SLC25A3: variants seen among roughly 807,000 people sequenced by gnomAD.
SLC25A3 encodes phosphate transport protein.
A neutral mutation model predicts 37.1 loss-of-function variants in SLC25A3; 14 were observed. The observed-to-expected ratio is 0.38, with a 90% CI of 0.25 to 0.59. The LOEUF (loss-of-function observed/expected upper bound fraction) is 0.59, where lower values mean the gene tolerates loss of function less well. SLC25A3 is among the 20% of genes least tolerant of loss of function. The probability of loss-of-function intolerance (pLI) is 0.67; values close to 1 mark genes in which losing one functional copy is unlikely to be tolerated. For synonymous variants in SLC25A3, 161 were observed against 168.7 expected (o/e 0.95, Z 0.36); for missense variants, 385 against 458.1 (o/e 0.84, Z 1.46).
intron 6 of SLC25A3, 102 bp downstream of exon 6, chr12:98,600,229 C>A: frequency 1.1e-6 from 1 of 890,582 alleles, no homozygotes; most frequent in Non-Finnish European, 1.8e-6. Context: ...GGTTATAAAG[C>A]AGTGTTTTTG....
intron 3 of SLC25A3, chr12:98,597,416 CTTTT>C: frequency 6.6e-6 from 1 of 151,650 alleles, no homozygotes; most frequent in Non-Finnish European, 1.4e-5. Context: ...TACTGTATTT[CTTTT>C]TTTTTTTTTG....
In SLC25A3 at chr12:98,595,709, T is replaced by C; in HGVS notation, c.158-18T>C. On this transcript the variant is annotated intron_variant, in intron 2 of 7. Transcript: ENST00000552981. Reference sequence around the variant, plus strand: ...GAGTTTTATATTAAAATGCATGGTGTGTCTTCTCTTACTACAGAGTACAGT... The same window carrying C: ...GAGTTTTATATTAAAATGCATGGTGCGTCTTCTCTTACTACAGAGTACAGT... 6.2e-7 allele frequency: 1 copy of C among 1,614,150 alleles called. No homozygotes were observed. Among genetic ancestry groups the C allele is most frequent in the Non-Finnish European group, 8.5e-7 (1 of 1,180,020 alleles).
intron 3 of SLC25A3, among the ~76,000 whole-genome samples, chr12:98,596,828 C>G (rs577259371): frequency 6.6e-6 from 1 of 152,236 alleles, no homozygotes; most frequent in African/African-American, 2.4e-5. Context: ...AGAACTCAAT[C>G]TAGCCAACAT....
At position 98,598,006 on chromosome 12, in the gene SLC25A3, A is replaced by G. The variant is rs1268948001; in HGVS notation, c.430A>G (p.Lys144Glu). 1 of 1,613,620 alleles carries G rather than the reference A, an allele frequency of 6.2e-7. No individual in the cohort carries two copies. The highest frequency in any genetic ancestry group is 1.3e-5 in the African/African-American group (1 of 74,916). The change falls in exon 4 of 8, where the codon AAA (lysine) becomes GAA (glutamate). Residue 144 changes from lysine to glutamate, a missense_variant. By Grantham distance (56) the Lys-to-Glu change is moderately conservative (BLOSUM62 1). Transcript: ENST00000552981. ...CAAGTTTGGCTTTTATGAAGTCTTTAAAGTCTTGTATAGCAATATGCTTGG... is the reference window on the plus strand; with the variant it reads ...CAAGTTTGGCTTTTATGAAGTCTTTGAAGTCTTGTATAGCAATATGCTTGG... ...LCKFGFYEVF[K>E]VLYSNMLGEE...
Position 98,599,951 on chromosome 12 carries a change from C to T in SLC25A3, c.642-4C>T, listed in dbSNP as rs753103042. On this transcript the variant is annotated splice_region_variant and splice_polypyrimidine_tract_variant and intron_variant, in intron 5 of 7. Transcript: ENST00000552981. ...TGTGTAAAACAAGTCTCTTGATTTC[C>T]TAGATTCTACAAGGGGGTTGCTCCT... 5 of 1,613,678 alleles carry T rather than the reference C, an allele frequency of 3.1e-6. No individual in the cohort carries two copies. Among genetic ancestry groups the T allele is most frequent in the Non-Finnish European group, 4.2e-6 (5 of 1,179,696 alleles).
intron 3 of SLC25A3, among the ~76,000 whole-genome samples, chr12:98,596,206 ATC>A (rs970557960): frequency 3.9e-5 from 6 of 152,236 alleles, no homozygotes; most frequent in Non-Finnish European, 8.8e-5. Context: ...AATGTCCTTT[ATC>A]TACTAATAAG....
At position 98,595,710 on chromosome 12, in the gene SLC25A3, G is replaced by A. The variant is rs745936331; in HGVS notation, c.158-17G>A. Reference sequence around the variant, plus strand: ...AGTTTTATATTAAAATGCATGGTGTGTCTTCTCTTACTACAGAGTACAGTT... The same window carrying A: ...AGTTTTATATTAAAATGCATGGTGTATCTTCTCTTACTACAGAGTACAGTT... On this transcript the variant is annotated splice_polypyrimidine_tract_variant and intron_variant, in intron 2 of 7. Coordinates refer to ENST00000552981, the MANE Select transcript of SLC25A3 (RefSeq NM_002635.4). 8.1e-6 allele frequency: 13 copies of A among 1,614,128 alleles called. No individual in the cohort carries two copies. The highest frequency in any genetic ancestry group is 1.1e-5 in the Non-Finnish European group (13 of 1,180,030).
chr12:98,596,726 G>A (rs951139599), intron 3 of SLC25A3, among the ~76,000 whole-genome samples: 1 of 152,074 alleles, frequency 6.6e-6, no homozygotes, highest in Admixed American at 6.6e-5. Context: ...TAAAAAGTAG[G>A]AGGTGGGCCA....
intron 6 of SLC25A3, 62 bp from the exon 7 acceptor site, chr12:98,601,109 T>G: frequency 6.4e-7 from 1 of 1,564,706 alleles, no homozygotes; most frequent in Non-Finnish European, 8.7e-7. Flanking sequence ...TAAAAATGAT[T>G]ATTGGCTCTG....
intron 6 of SLC25A3, 173 bp from the exon 7 acceptor site, chr12:98,600,998 A>T: frequency 1.6e-6 from 1 of 644,950 alleles, no homozygotes; most frequent in South Asian, 2.0e-5. Context: ...ACTTTAAAAG[A>T]TTGTTCCGTT....
At chr12:98,596,412 C>G (rs148156600) in intron 3 of SLC25A3, among the ~76,000 whole-genome samples, 24 of 152,142 alleles carry the variant, frequency 1.6e-4, no homozygotes, top group African/African-American at 5.8e-4. Flanking sequence ...AGTCTACTTA[C>G]CTAAAAGAGA....
Position 98,594,093 on chromosome 12 carries a change from C to A in SLC25A3, c.115C>A (p.Gln39Lys), listed in dbSNP as rs537772538. Residue 39 changes from glutamine (Q) to lysine (K), a missense_variant, in exon 2 of 8, where the codon CAG (glutamine) becomes AAG (lysine). This residue lies in a region of SLC25A3 where 109 missense variants were observed against 90.5 expected (regional missense o/e 1.20). Coordinates refer to ENST00000552981, the MANE Select transcript of SLC25A3 (RefSeq NM_002635.4). ...LRSSSPGPTG[Q>K]PRRPRNLAAA... ...CAGCAGCTCCCCAGGGCCCACGGGC[C>A]AGCCCCGCCGCCCTCGCAACCTGGC... is the stretch of plus-strand genomic sequence containing the variant. 6.2e-7 allele frequency: 1 copy of A among 1,611,720 alleles called. No homozygotes were observed. The highest frequency in any genetic ancestry group is 1.3e-5 in the African/African-American group (1 of 75,028).
chr12:98,593,820 T>A, intron 1 of SLC25A3, 80 bp downstream of exon 1: 1 of 780,084 alleles, frequency 1.3e-6, no homozygotes, highest in Non-Finnish European at 2.1e-6. Flanking sequence ...GCTTTGGCGG[T>A]GGGCCCAGCC....
chr12:98,594,569 G>A lies in SLC25A3; in HGVS notation c.157+434G>A, dbSNP rs537410981. On this transcript the variant is annotated intron_variant, in intron 2 of 7. Transcript: ENST00000552981. ...TTTCCTAAGTTTTATATTTGTCGAC[G>A]CCAGGTCAGTCATTTTTGCACTTAA... is the stretch of plus-strand genomic sequence containing the variant. 60 of 581,974 alleles carry A rather than the reference G, an allele frequency of 1.0e-4. No individual in the cohort carries two copies. In the South Asian group the frequency reaches 1.1e-3, roughly 11 times the overall value. 36.1% of individuals were successfully genotyped at this position (581,974 alleles called of 1,614,324 possible).
chr12:98,597,308 A>G (rs1450268372), intron 3 of SLC25A3, among the ~76,000 whole-genome samples: 2 of 152,224 alleles, frequency 1.3e-5, no homozygotes, highest in African/African-American at 4.8e-5. Flanking sequence ...AAGTTATATG[A>G]ATGTAGTTCC....
At chr12:98,594,262 C>T (rs2097591095) in intron 2 of SLC25A3, 127 bp downstream of exon 2, 1 of 811,470 alleles carries the variant, frequency 1.2e-6, no homozygotes, top group African/African-American at 1.7e-5. Flanking sequence ...GGACGGCGCC[C>T]AGTTGCTTGC....
At chr12:98,598,455 A>G in intron 4 of SLC25A3, 67 bp from the exon 5 acceptor site, 1 of 1,610,804 alleles carries the variant, frequency 6.2e-7, no homozygotes, top group South Asian at 1.1e-5. Flanking sequence ...GTTTTCTAGA[A>G]CTGTCACTTC....
At chr12:98,595,358 A>C (rs2097592101) in intron 2 of SLC25A3, 4 of 1,541,494 alleles carry the variant, frequency 2.6e-6, no homozygotes, top group Non-Finnish European at 3.6e-6. Context: ...ACAGGGAAAC[A>C]TTTTCTTTCA....
Position 98,594,721 on chromosome 12 carries a change from TTGG to T in SLC25A3, c.157+591_157+593del, listed in dbSNP as rs1319113683. The T allele has an allele frequency of 2.5e-5, 7 of 280,930 alleles. No homozygotes were observed. In the East Asian group the frequency reaches 5.5e-4, roughly 22 times the overall value. 17.4% of individuals were successfully genotyped at this position (280,930 alleles called of 1,614,324 possible). ...TTGGTGTGATTATCTCTTGGGATTCTTGGTGGTTGGGCCCAGCTTTAACTTAGT... is the reference window on the plus strand; with the variant it reads ...TTGGTGTGATTATCTCTTGGGATTCTTGGTTGGGCCCAGCTTTAACTTAGT... On this transcript the variant is annotated intron_variant, in intron 2 of 7. Coordinates refer to ENST00000552981, the MANE Select transcript of SLC25A3 (RefSeq NM_002635.4).
Sources: gnomAD v4.1 joint callset for allele counts (sites outside exome capture counted in the v4.1 genomes callset) on GRCh38, gnomAD v4.1.1 for gene constraint, gnomAD v4.1.1 regional missense constraint, MANE v1.5 for transcripts, NCBI Gene and HGNC (gene_info 2026-07-23, HGNC 2026-07-21) for gene names.